Variants in PRDM11 observed in about 807,000 individuals in gnomAD.
PRDM11 encodes the protein PR/SET domain 11.
In PRDM11, 20 loss-of-function variants were observed where a neutral mutation model predicts 97.8. The ratio of observed to expected loss-of-function variants is 0.20; its 90% CI spans 0.14 to 0.30. The LOEUF (loss-of-function observed/expected upper bound fraction) is 0.30, where lower values mean the gene tolerates loss of function less well. Ranked by LOEUF, PRDM11 falls within the 10% of genes least tolerant of loss-of-function variation. The probability of loss-of-function intolerance (pLI) is 1.00; values close to 1 mark genes in which losing one functional copy is unlikely to be tolerated. For missense variants in PRDM11, 1,139 were observed against 1,555.2 expected, an observed-to-expected ratio of 0.73 and a Z score of 4.50; for synonymous variants, 599 against 637.7, an observed-to-expected ratio of 0.94 and a Z score of 0.91.
Position 45,219,550 on chromosome 11 carries a change from C to G in PRDM11, c.555-20C>G, listed in dbSNP as rs371658990. On this transcript the variant is annotated intron_variant, in intron 5 of 7. Transcript: ENST00000683152. This position sits in a 1 kb window ranked among gnomAD's most constrained non-coding sequence, Gnocchi z 4.2. ...CAAAGGGTGGCCCGTGCGTTCTCAC[C>G]TGTCTCCCCTCCCCACCAGGTACGT... 1 of 1,606,478 alleles carries G rather than the reference C, an allele frequency of 6.2e-7. No homozygotes were observed. Among genetic ancestry groups the G allele is most frequent in the Non-Finnish European group, 8.5e-7 (1 of 1,174,288 alleles).
At position 45,230,566 on chromosome 11, in the gene PRDM11, A is replaced by C. The variant is rs1854380327; in HGVS notation, c.*2407A>C. On this transcript the variant is annotated 3_prime_UTR_variant, in exon 8 of 8. Coordinates refer to ENST00000683152, the MANE Select transcript of PRDM11 (RefSeq NM_001384648.1). Reference sequence around the variant, plus strand: ...CAGCCTTGGGACTTCCTCTCCCCTCACACACGCAAACTGCTGTGTCTGGGG... The same window carrying C: ...CAGCCTTGGGACTTCCTCTCCCCTCCCACACGCAAACTGCTGTGTCTGGGG... 6.6e-6 allele frequency: 1 copy of C among 152,138 alleles called. No homozygotes were observed. The highest frequency in any genetic ancestry group is 1.5e-5 in the Non-Finnish European group (1 of 68,050). 9.4% of individuals were successfully genotyped at this position (152,138 alleles called of 1,614,324 possible).
At chr11:45,209,943 C>T (rs895408315) in intron 5 of PRDM11, among the ~76,000 whole-genome samples, 1 of 151,994 alleles carries the variant, frequency 6.6e-6, no homozygotes, top group Non-Finnish European at 1.5e-5. Flanking sequence ...GCGTGGGGCG[C>T]GGAGAAGGGG....
At chr11:45,096,358 T>C (rs1447759246) in intron 1 of PRDM11, among the ~76,000 whole-genome samples, 1 of 152,250 alleles carries the variant, frequency 6.6e-6, no homozygotes. Flanking sequence ...CTGGATGCTT[T>C]AGGTAAACCA....
At chr11:45,118,766 A>G (rs1187515284) in intron 1 of PRDM11, among the ~76,000 whole-genome samples, 1 of 152,260 alleles carries the variant, frequency 6.6e-6, no homozygotes, top group East Asian at 1.9e-4. Context: ...ATGAATGACA[A>G]AATGTTTTTC....
At chr11:45,144,736 T>C (rs879424669), upstream of PRDM11, among the ~76,000 whole-genome samples, 3 of 152,292 alleles carry the variant, frequency 2.0e-5, no homozygotes, top group East Asian at 5.8e-4. Context: ...ATCCTACCAT[T>C]GGTGGAAATT....
chr11:45,159,480 C>T (rs115276228), intron 1 of PRDM11, among the ~76,000 whole-genome samples: 199 of 152,354 alleles, frequency 1.3e-3, no homozygotes, highest in African/African-American at 4.7e-3. Context: ...GGAGTAGCTA[C>T]TGTTCGCCCA....
intron 1 of PRDM11, among the ~76,000 whole-genome samples, chr11:45,166,083 C>T (rs1312579963): frequency 2.6e-5 from 4 of 152,216 alleles, no homozygotes. Context: ...TACAAACTGA[C>T]TGAAACTCAA....
chr11:45,224,910 C>T (rs145087705), intron 7 of PRDM11, 67 bp downstream of exon 7: 1 of 1,600,478 alleles, frequency 6.2e-7, no homozygotes, highest in Non-Finnish European at 8.5e-7. Context: ...GGAGGGTAGC[C>T]TAAAGCTCTC....
In PRDM11 at chr11:45,117,335, T is replaced by C. The variant is rs185402463; in HGVS notation, c.96+21434T>C. On this transcript the variant is annotated intron_variant, in intron 1 of 6. Transcript: ENST00000530656. The stretch of plus-strand genomic sequence containing the variant: ...GATAACCCAAAGCATAAAATAAATA[T>C]CCATAAGTCCATACTGATATAAGTC... Among the ~76,000 whole-genome samples, 12 of 151,312 alleles carry C rather than the reference T, an allele frequency of 7.9e-5. No homozygotes were observed. The East Asian group carries it at 1.7e-3, about 22-fold the overall frequency.
At chr11:45,139,507 C>T (rs1468843198) in intron 1 of PRDM11, among the ~76,000 whole-genome samples, 1 of 135,630 alleles carries the variant, frequency 7.4e-6, no homozygotes, top group African/African-American at 2.9e-5. Flanking sequence ...GCGGAGGTTG[C>T]AGTGAGCAGA....
intron 4 of PRDM11, among the ~76,000 whole-genome samples, chr11:45,201,464 TC>T (rs1853322838): frequency 6.6e-6 from 1 of 152,092 alleles, no homozygotes; most frequent in Non-Finnish European, 1.5e-5. Context: ...CTTTCTTGTT[TC>T]TTTCCTTCCT....
At chr11:45,164,507 G>A (rs1852012337) in intron 1 of PRDM11, among the ~76,000 whole-genome samples, 1 of 152,254 alleles carries the variant, frequency 6.6e-6, no homozygotes, top group South Asian at 2.1e-4. Flanking sequence ...CTGCCAGCTG[G>A]CTGCCAGGGC....
intron 1 of PRDM11, among the ~76,000 whole-genome samples, chr11:45,109,090 G>A (rs892772657): frequency 2.0e-5 from 3 of 152,188 alleles, no homozygotes; most frequent in African/African-American, 7.2e-5. Context: ...GCTGGAAACC[G>A]AAAAATGTTG....
At chr11:45,168,013 T>C (rs1259385443) in intron 1 of PRDM11, among the ~76,000 whole-genome samples, 1 of 152,188 alleles carries the variant, frequency 6.6e-6, no homozygotes, top group Non-Finnish European at 1.5e-5. Flanking sequence ...GATTCTGCAT[T>C]TCAGACAAGT....
chr11:45,125,212 T>G (rs1253105678), intron 1 of PRDM11, among the ~76,000 whole-genome samples: 1 of 152,076 alleles, frequency 6.6e-6, no homozygotes, highest in Non-Finnish European at 1.5e-5. Context: ...TTATTGCATC[T>G]ATTTGATTCT....
rs7483388 is a variant in PRDM11, at chr11:45,146,776, T to G, written c.-108T>G. 127,527 of 146,466 alleles carry G rather than the reference T, an allele frequency of 0.87. 56,209 individuals carry two copies. The highest frequency in any genetic ancestry group is 0.97 in the African/African-American group (39,701 of 40,970). The allele number at this position is 146,466 out of a possible 1,614,324, so 9.1% of individuals were successfully genotyped here. A position where few individuals can be genotyped will look rare whatever the true frequency, so the allele number is the denominator to read the frequency against. ...GCGCGCCCGCAGCGCGGCCGCTCCC[T>G]CCGCGGGGGCCGCCAGCCGAGGCCG... On this transcript the variant is annotated 5_prime_UTR_variant, in exon 1 of 8. Coordinates refer to ENST00000683152, the MANE Select transcript of PRDM11 (RefSeq NM_001384648.1).
chr11:45,183,155 G>T, intron 4 of PRDM11, 32 bp downstream of exon 4: 2 of 1,586,210 alleles, frequency 1.3e-6, no homozygotes, highest in Non-Finnish European at 1.7e-6. Context: ...CATGGGAGAG[G>T]TTGCCAAGAA....
rs576809483 is a variant in PRDM11, at chr11:45,166,645, C to T, written c.-6-15116C>T. 2.6e-5 allele frequency among the ~76,000 whole-genome samples: 4 copies of T among 152,370 alleles called. No individual in the cohort carries two copies. In the South Asian group the frequency reaches 8.3e-4, roughly 32 times the overall value. ...ATGGTTCCTAGCACCTAGGACAGTG[C>T]CTGGCACTTGGTAGGATGTGAACAC... On this transcript the variant is annotated intron_variant, in intron 1 of 7. Coordinates refer to ENST00000683152, the MANE Select transcript of PRDM11 (RefSeq NM_001384648.1).
chr11:45,118,506 G>A (rs1739988161), intron 1 of PRDM11, among the ~76,000 whole-genome samples: 1 of 152,172 alleles, frequency 6.6e-6, no homozygotes, highest in African/African-American at 2.4e-5. Flanking sequence ...TCATGACTAA[G>A]TGAGTTTCCT....
Sources: gnomAD v4.1 joint callset for allele counts (sites outside exome capture counted in the v4.1 genomes callset) on GRCh38, gnomAD v4.1.1 for gene constraint, Gnocchi (gnomAD v3.1) non-coding constraint, MANE v1.5 for transcripts, NCBI Gene and HGNC (gene_info 2026-07-23, HGNC 2026-07-21) for gene names.